Variants in LAMA3 observed in about 807,000 individuals in gnomAD.
LAMA3 encodes the protein laminin subunit alpha 3, also known as laminin subunit alpha-3.
A neutral mutation model predicts 402.0 loss-of-function variants in LAMA3; 281 were observed. The observed-to-expected ratio is 0.70, with a 90% CI of 0.63 to 0.77. The LOEUF (loss-of-function observed/expected upper bound fraction) is 0.77. Among genes scored for constraint, LAMA3 ranks in the 30% least tolerant of loss-of-function variants. LAMA3 has a pLI of 0.00. For missense variants in LAMA3, 3,840 were observed against 4,215.5 expected (o/e 0.91, Z 2.47); for synonymous variants, 1,431 against 1,558.4 (o/e 0.92, Z 1.93).
chr18:23,915,777 G>C (rs889810115), intron 59 of LAMA3, among the ~76,000 whole-genome samples: 28 of 151,830 alleles, frequency 1.8e-4, no homozygotes, highest in Non-Finnish European at 3.5e-4. Context: ...AGGTTGAGGT[G>C]GGCAGATCAC....
chr18:23,697,346 G>A (rs561599839), intron 1 of LAMA3, among the ~76,000 whole-genome samples: 55 of 152,332 alleles, frequency 3.6e-4, no homozygotes, highest in African/African-American at 1.3e-3. Context: ...CACAGTGAAT[G>A]CATTGCAATT....
chr18:23,949,489 G>A (rs912373041), intron 70 of LAMA3, among the ~76,000 whole-genome samples: 4 of 152,036 alleles, frequency 2.6e-5, no homozygotes, highest in Admixed American at 6.5e-5. Context: ...GCACTAGCCC[G>A]CCCTCCTGCA....
At chr18:23,810,223 G>C in intron 12 of LAMA3, 143 bp from the exon 13 acceptor site, 1 of 935,604 alleles carries the variant, frequency 1.1e-6, no homozygotes, top group Non-Finnish European at 1.7e-6. Context: ...GCTTGTTTCA[G>C]GTTCCCGATC....
In LAMA3 at chr18:23,753,554, T is replaced by C. The variant is rs7230939; in HGVS notation, c.856-167T>C. 0.17 allele frequency among the ~76,000 whole-genome samples: 26,078 copies of C among 152,168 alleles called. 3,316 individuals carry two copies. The highest frequency in any genetic ancestry group is 0.58 in the East Asian group (2,985 of 5,172). On this transcript the variant is annotated intron_variant, in intron 5 of 74. Transcript: ENST00000313654. ...TTCAGCAGTATGTTATTACATTTTA[T>C]TGAGGAATGTGTTTATTTTATAAGA...
rs749296272 is a variant in LAMA3, at chr18:23,763,509, T to C, written c.1168T>C (p.Cys390Arg). ...GGGCATCTATGCTGGTGGAGGGGTC[T>C]GCATTAACTGTCAGGTGAGGCACTA... The part of the protein sequence containing the change: ...TQGIYAGGGV[C>R]INCQHNTAGV... Residue 390 changes from cysteine (C) to arginine (R), a missense_variant, in exon 8 of 75, where the codon TGC (cysteine) becomes CGC (arginine). This residue lies in a region of LAMA3 where 2,109 missense variants were observed against 2,376.0 expected (regional missense o/e 0.89). Coordinates refer to ENST00000313654, the MANE Select transcript of LAMA3 (RefSeq NM_198129.4). The C allele has an allele frequency of 1.3e-6, 2 of 1,598,140 alleles. No individual in the cohort carries two copies. Among genetic ancestry groups the C allele is most frequent in the Non-Finnish European group, 1.7e-6 (2 of 1,165,482 alleles).
chr18:23,867,805 C>A, intron 36 of LAMA3, 29 bp from the exon 37 acceptor site: 1 of 1,528,976 alleles, frequency 6.5e-7, no homozygotes, highest in Non-Finnish European at 9.1e-7. Flanking sequence ...AGTGAAGGTA[C>A]TAACACATTC....
intron 70 of LAMA3, 145 bp from the exon 71 acceptor site, chr18:23,949,620 G>A: frequency 1.2e-6 from 1 of 815,426 alleles, no homozygotes; most frequent in South Asian, 1.4e-5. Flanking sequence ...ACCTGAGTTT[G>A]AAGAACCTGA....
chr18:23,953,338 G>T (rs8094165), intron 74 of LAMA3, among the ~76,000 whole-genome samples: 2,084 of 104,084 alleles, frequency 0.02, 25 homozygotes, highest in Middle Eastern at 0.15. Context: ...TTTTTTTTTT[G>T]TTTTTTTTTT....
chr18:23,842,231 ATGTATGTGTG>A (rs2063716955), intron 27 of LAMA3, among the ~76,000 whole-genome samples, 154 bp from the exon 28 acceptor site: 2 of 152,206 alleles, frequency 1.3e-5, no homozygotes, highest in African/African-American at 4.8e-5. Context: ...GCTACTGTAA[ATGTATGTGTG>A]AAGGCTTCTG....
chr18:23,689,872 C>T lies in LAMA3; in HGVS notation c.189C>T (p.Thr63=), dbSNP rs2060545910. The change falls in exon 1 of 75, where the codon ACC becomes ACT. Residue 63 remains threonine, a synonymous_variant. Transcript: ENST00000313654. ...CCGAGGCGGCGAGGATTTGGGCCAC[C>T]GCCACCTGCGGGGAGAGGGGACCCG... The part of the protein sequence containing the change: ...NLAEAARIWA[T]ATCGERGPGE... 1.3e-6 allele frequency: 2 copies of T among 1,545,812 alleles called. No individual in the cohort carries two copies. The highest frequency in any genetic ancestry group is 1.4e-5 in the African/African-American group (1 of 71,856).
At chr18:23,954,171 G>A (rs1045956261) in intron 74 of LAMA3, among the ~76,000 whole-genome samples, 1 of 152,082 alleles carries the variant, frequency 6.6e-6, no homozygotes, top group Non-Finnish European at 1.5e-5. Context: ...GGAGGCTGAG[G>A]CGGGAGGATC....
At chr18:23,906,227 G>A (rs1331346526) in intron 52 of LAMA3, among the ~76,000 whole-genome samples, 1 of 152,092 alleles carries the variant, frequency 6.6e-6, no homozygotes, top group Non-Finnish European at 1.5e-5. Flanking sequence ...TGGTGGGGAG[G>A]CTATTTTAAT....
chr18:23,798,173 T>C (rs1432404571), intron 12 of LAMA3, among the ~76,000 whole-genome samples: 1 of 152,094 alleles, frequency 6.6e-6, no homozygotes, highest in African/African-American at 2.4e-5. Context: ...TTTCCCCTCC[T>C]TTTCTGGAGC....
chr18:23,886,607 A>G (rs2065082368), intron 41 of LAMA3, among the ~76,000 whole-genome samples: 1 of 152,102 alleles, frequency 6.6e-6, no homozygotes, highest in African/African-American at 2.4e-5. Context: ...GCACTACTGC[A>G]TTCCAGCCTG....
intron 2 of LAMA3, among the ~76,000 whole-genome samples, chr18:23,723,590 C>T (rs949078096): frequency 2.6e-5 from 4 of 151,080 alleles, no homozygotes; most frequent in African/African-American, 9.7e-5. Flanking sequence ...ATGGGGAGAT[C>T]AGTGATTTTT....
intron 68 of LAMA3, among the ~76,000 whole-genome samples, chr18:23,943,388 C>T (rs2082592673): frequency 6.6e-6 from 1 of 152,200 alleles, no homozygotes; most frequent in African/African-American, 2.4e-5. Context: ...TCTGAATGTA[C>T]TTAACAGTAC....
intron 7 of LAMA3, among the ~76,000 whole-genome samples, chr18:23,763,057 A>G (rs886353218): frequency 5.9e-5 from 9 of 152,054 alleles, no homozygotes; most frequent in Non-Finnish European, 1.0e-4. Flanking sequence ...GGGTTTCACC[A>G]TATTGGCCAG....
At chr18:23,829,475 C>G (rs2063452595) in intron 23 of LAMA3, among the ~76,000 whole-genome samples, 1 of 152,104 alleles carries the variant, frequency 6.6e-6, no homozygotes, top group Admixed American at 6.5e-5. Context: ...ATCCTTAGCC[C>G]AGGAGCAGGC....
chr18:23,844,272 A>G (rs1320124371), intron 29 of LAMA3, among the ~76,000 whole-genome samples: 4 of 152,266 alleles, frequency 2.6e-5, no homozygotes, highest in Non-Finnish European at 5.9e-5. Context: ...ACTGGCACAG[A>G]GAACCAAACT....
Sources: gnomAD v4.1 joint callset for allele counts (sites outside exome capture counted in the v4.1 genomes callset) on GRCh38, gnomAD v4.1.1 for gene constraint, gnomAD v4.1.1 regional missense constraint, MANE v1.5 for transcripts, NCBI Gene and HGNC (gene_info 2026-07-23, HGNC 2026-07-21) for gene names.